Variants in DTYMK observed in about 807,000 individuals in gnomAD.
DTYMK encodes the protein deoxythymidylate kinase.
Under a neutral mutation model 20.3 loss-of-function variants are expected in DTYMK, and 20 were observed. The ratio of observed to expected loss-of-function variants is 0.99; its 90% CI spans 0.69 to 1.43. The LOEUF (loss-of-function observed/expected upper bound fraction) is 1.43, where lower values mean the gene tolerates loss of function less well. Among genes scored for constraint, DTYMK ranks in the 40% most tolerant of loss-of-function variants. The pLI, the probability that DTYMK is intolerant of heterozygous loss-of-function variation, is 0.00. For synonymous variants in DTYMK, 148 were observed against 124.4 expected, an observed-to-expected ratio of 1.19 and a Z score of -1.27; for missense variants, 320 against 291.1, an observed-to-expected ratio of 1.10 and a Z score of -0.72.
chr2:241,680,953 G>A lies in DTYMK; in HGVS notation c.240-634C>T, dbSNP rs116905519. Among the ~76,000 whole-genome samples the A allele has an allele frequency of 1.5e-3, 231 of 152,310 alleles. 2 individuals are homozygous for A. Among genetic ancestry groups the A allele is most frequent in the African/African-American group, 5.2e-3 (215 of 41,562 alleles). On this transcript the variant is annotated intron_variant, in intron 2 of 4. Coordinates refer to ENST00000305784, the MANE Select transcript of DTYMK (RefSeq NM_012145.4). ...TCAGAGAGGCCAGCTCTACCCTGTC[G>A]AGGAAGAAGAAAGCACAGGCAAAGA...
chr2:241,681,409 G>T (rs1236537243), intron 2 of DTYMK, among the ~76,000 whole-genome samples: 1 of 152,186 alleles, frequency 6.6e-6, no homozygotes, highest in Non-Finnish European at 1.5e-5. Context: ...TGAATCACAG[G>T]CCTGGCACGG....
At chr2:241,677,649 G>A (rs747453682) in intron 4 of DTYMK, among the ~76,000 whole-genome samples, 5 of 152,256 alleles carry the variant, frequency 3.3e-5, no homozygotes, top group Non-Finnish European at 7.3e-5. Context: ...TAGGGGCTGC[G>A]GTCGGGAGGA....
chr2:241,685,998 A>T (rs62191287), intron 1 of DTYMK, 121 bp from the exon 2 acceptor site: 391,214 of 967,704 alleles, frequency 0.4, 80,904 homozygotes, highest in Middle Eastern at 0.48. Flanking sequence ...ACTTTACTAA[A>T]TCTCTAGACA....
At chr2:241,680,644 G>A (rs909727382) in intron 2 of DTYMK, among the ~76,000 whole-genome samples, 2 of 152,146 alleles carry the variant, frequency 1.3e-5, no homozygotes, top group African/African-American at 4.8e-5. Flanking sequence ...CTGCATTCCA[G>A]CCTGGGTGAC....
In DTYMK at chr2:241,686,778, C is replaced by T. The variant is rs762141486; in HGVS notation, c.6G>A (p.Ala2=). Residue 2 remains alanine, a synonymous_variant, in exon 1 of 5, where the codon GCG becomes GCA. Transcript: ENST00000305784. M[A]ARRGALIVLE... ...GCACTATGAGAGCCCCGCGCCGGGC[C>T]GCCATGACTGTCCACCGCCCGCCGC... is the stretch of plus-strand genomic sequence containing the variant. 8.9e-6 allele frequency: 13 copies of T among 1,462,250 alleles called. No homozygotes were observed. The South Asian group carries it at 1.4e-4, about 16-fold the overall frequency. 90.6% of individuals were successfully genotyped at this position (1,462,250 alleles called of 1,614,324 possible). A position where few individuals can be genotyped will look rare whatever the true frequency, so the allele number is the denominator to read the frequency against.
At chr2:241,679,736 A>AG (rs1440039712) in intron 3 of DTYMK, among the ~76,000 whole-genome samples, 1 of 152,204 alleles carries the variant, frequency 6.6e-6, no homozygotes, top group African/African-American at 2.4e-5. Context: ...TGGGAGGCTG[A>AG]GATGAGTGGA....
Position 241,678,590 on chromosome 2 carries a change from G to C in DTYMK, c.390C>G (p.Val130=). The C allele has an allele frequency of 6.2e-7, 1 of 1,614,210 alleles. No homozygotes were observed. Among genetic ancestry groups the C allele is most frequent in the South Asian group, 1.1e-5 (1 of 91,084 alleles). Residue 130 remains valine (V), a synonymous_variant, in exon 4 of 5, where the codon GTC becomes GTG. Coordinates refer to ENST00000305784, the MANE Select transcript of DTYMK (RefSeq NM_012145.4). ...CCGCCAGCTGTAACTGGAGGAACAG[G>C]ACCAGGTCGGGTTTGGGAAGGCCCA... The part of the protein sequence containing the change: ...PDVGLPKPDL[V]LFLQLQLADA...
chr2:241,684,398 G>A (rs1357236570), intron 2 of DTYMK, among the ~76,000 whole-genome samples: 1 of 152,212 alleles, frequency 6.6e-6, no homozygotes, highest in Non-Finnish European at 1.5e-5. Context: ...GCCTTTCCAA[G>A]CAAGACACAA....
In DTYMK at chr2:241,680,288, C is replaced by G. The variant is rs372538203; in HGVS notation, c.271G>C (p.Val91Leu). ...GCGTATCTGTCCACGACGAGGGTCA[C>G]GCCCTGGCTCAACTTTTCCTTAATT... ...PLIKEKLSQG[V>L]TLVVDRYAFS... Residue 91 changes from valine to leucine, a missense_variant, in exon 3 of 5, where the codon GTG becomes CTG. Val to Leu is a conservative substitution (Grantham distance 32). Coordinates refer to ENST00000305784, the MANE Select transcript of DTYMK (RefSeq NM_012145.4). The G allele has an allele frequency of 1.9e-6, 3 of 1,614,150 alleles. No homozygotes were observed. The highest frequency in any genetic ancestry group is 2.5e-6 in the Non-Finnish European group (3 of 1,179,994).
intron 1 of DTYMK, 99 bp downstream of exon 1, chr2:241,686,555 T>A (rs1337720762): frequency 1.4e-6 from 2 of 1,382,356 alleles, no homozygotes; most frequent in Non-Finnish European, 1.9e-6. Context: ...ACCGCACAGT[T>A]CACAGCACGC....
chr2:241,675,887 G>A lies in DTYMK; in HGVS notation c.*240C>T. ...AATACAACAGAGTGCCATCAGGACA[G>A]GGGAGAGGGCAGGAGACTGCTCCAT... On this transcript the variant is annotated 3_prime_UTR_variant, in exon 5 of 5. Transcript: ENST00000305784. 2.4e-6 allele frequency: 1 copy of A among 424,570 alleles called. No individual in the cohort carries two copies. The highest frequency in any genetic ancestry group is 4.2e-6 in the Non-Finnish European group (1 of 238,846). The allele number at this position is 424,570 out of a possible 1,614,324, so 26.3% of individuals were successfully genotyped here. A position where few individuals can be genotyped will look rare whatever the true frequency, so the allele number is the denominator to read the frequency against.
intron 2 of DTYMK, 60 bp downstream of exon 2, chr2:241,685,709 T>G: frequency 6.5e-7 from 1 of 1,533,492 alleles, no homozygotes; most frequent in Non-Finnish European, 9.0e-7. Context: ...CTGCGTTCAC[T>G]GAATCTCAGG....
chr2:241,675,923 A>T lies in DTYMK; in HGVS notation c.*204T>A, dbSNP rs2069101614. On this transcript the variant is annotated 3_prime_UTR_variant, in exon 5 of 5. Transcript: ENST00000305784. ...AGGAGACTGCTCCATCGCTCTGCTC[A>T]TGTCCACACTGCCAAGGTCCCCACC... The T allele has an allele frequency of 7.6e-6, 4 of 525,244 alleles. No homozygotes were observed. Among genetic ancestry groups the T allele is most frequent in the Admixed American group, 3.5e-5 (1 of 28,932 alleles). 32.5% of individuals were successfully genotyped at this position (525,244 alleles called of 1,614,324 possible). A position where few individuals can be genotyped will look rare whatever the true frequency, so the allele number is the denominator to read the frequency against.
intron 3 of DTYMK, 58 bp downstream of exon 3, chr2:241,680,171 G>C (rs2069207369): frequency 3.2e-6 from 5 of 1,545,514 alleles, no homozygotes; most frequent in Non-Finnish European, 4.5e-6. Flanking sequence ...TCGCATTCAA[G>C]GGCAGTCCTG....
intron 4 of DTYMK, among the ~76,000 whole-genome samples, chr2:241,677,775 C>T (rs981744483): frequency 1.3e-5 from 2 of 152,246 alleles, no homozygotes; most frequent in Admixed American, 1.3e-4. Flanking sequence ...AGAGGCAGCA[C>T]ACAGCACCCT....
At chr2:241,684,973 T>C (rs927161491) in intron 2 of DTYMK, 3 of 271,774 alleles carry the variant, frequency 1.1e-5, no homozygotes, top group Non-Finnish European at 2.3e-5. Flanking sequence ...ATTAAGTCTA[T>C]GAGGCCAGGG....
chr2:241,679,643 GA>G (rs2069194956), intron 3 of DTYMK, among the ~76,000 whole-genome samples: 1 of 151,090 alleles, frequency 6.6e-6, no homozygotes, highest in African/African-American at 2.4e-5. Flanking sequence ...AAAAACGGGG[GA>G]AAAAAGTACT....
rs1346633451 is a variant in DTYMK, at chr2:241,676,238, C to G, written c.529-1G>C. The G allele has an allele frequency of 6.2e-7, 1 of 1,609,718 alleles. No homozygotes were observed. On this transcript the variant is annotated splice_acceptor_variant, in intron 4 of 4. Coordinates refer to ENST00000305784, the MANE Select transcript of DTYMK (RefSeq NM_012145.4). LOFTEE classifies it high-confidence loss of function. The stretch of plus-strand genomic sequence containing the variant: ...CGATGCTTTTGGAAGCATCCACCAT[C>G]TGTTCCCACCGGGGTTTCAGGAGAA...
chr2:241,686,650 C>T lies in DTYMK; in HGVS notation c.130+4G>A. 3 of 1,509,290 alleles carry T rather than the reference C, an allele frequency of 2.0e-6. No individual in the cohort carries two copies. The highest frequency in any genetic ancestry group is 2.6e-6 in the Non-Finnish European group (3 of 1,141,258). 93.5% of individuals were successfully genotyped at this position (1,509,290 alleles called of 1,614,324 possible). A position where few individuals can be genotyped will look rare whatever the true frequency, so the allele number is the denominator to read the frequency against. ...GCGGCGCACCCCCCGCCGCGCGCAC[C>T]CACCCGGGAACCGGAGCAGTTCGGC... On this transcript the variant is annotated splice_donor_region_variant and intron_variant, in intron 1 of 4. Transcript: ENST00000305784.
Sources: allele counts gnomAD v4.1 joint callset (sites outside exome capture counted in the v4.1 genomes callset), GRCh38; gene constraint gnomAD v4.1.1; transcripts MANE v1.5; gene names NCBI Gene and HGNC (gene_info 2026-07-23, HGNC 2026-07-21).